TOP2B: variants seen among roughly 807,000 people sequenced by gnomAD.
TOP2B encodes the protein DNA topoisomerase II beta.
In TOP2B, 51 loss-of-function variants were observed where a neutral mutation model predicts 193.5. The ratio of observed to expected loss-of-function variants is 0.26; its 90% CI spans 0.21 to 0.33. The LOEUF (loss-of-function observed/expected upper bound fraction) is 0.33, where lower values mean the gene tolerates loss of function less well. TOP2B is among the 10% of genes least tolerant of loss of function. The pLI is 1.00. For synonymous variants in TOP2B, 634 were observed against 635.7 expected, an observed-to-expected ratio of 1.00 and a Z score of 0.04; for missense variants, 1,378 against 1,909.3, an observed-to-expected ratio of 0.72 and a Z score of 5.19.
At chr3:25,617,911 G>T (rs191949262) in intron 25 of TOP2B, among the ~76,000 whole-genome samples, 21 of 152,116 alleles carry the variant, frequency 1.4e-4, no homozygotes, top group African/African-American at 5.1e-4. Flanking sequence ...TAAATCTCTG[G>T]CTAAAAATCT....
rs142840500 is a variant in TOP2B at position 25,637,514 on chromosome 3, A to T, written c.542-202T>A. ...AAGATTTAGTATATATAGTAGTGTA[A>T]TTAAAATGGGTATTTTGTACATTTA... On this transcript the variant is annotated intron_variant, in intron 5 of 35. Coordinates refer to ENST00000264331, the MANE Select transcript of TOP2B (RefSeq NM_001330700.2). Among the ~76,000 whole-genome samples, 475 of 152,156 alleles carry T rather than the reference A, an allele frequency of 3.1e-3. 1 individual carries two copies. The highest frequency in any genetic ancestry group is 6.7e-3 in the Admixed American group (102 of 15,284).
chr3:25,617,273 G>T (rs946346238), intron 25 of TOP2B, among the ~76,000 whole-genome samples: 1 of 151,892 alleles, frequency 6.6e-6, no homozygotes, highest in African/African-American at 2.4e-5. Context: ...AAGGCAAAAG[G>T]CAAGTGTTGT....
intron 30 of TOP2B, among the ~76,000 whole-genome samples, chr3:25,608,162 C>T (rs1036498477): frequency 6.6e-5 from 10 of 152,070 alleles, no homozygotes; most frequent in Middle Eastern, 3.2e-3. Context: ...ATAACAAAGA[C>T]AGTAATTTTT....
At position 25,637,305 on chromosome 3, in the gene TOP2B, A is replaced by G. The variant is rs1465769671; in HGVS notation, c.549T>C (p.Arg183=). Residue 183 remains arginine (R), a synonymous_variant, in exon 6 of 36, where the codon CGT becomes CGC. Coordinates refer to ENST00000264331, the MANE Select transcript of TOP2B (RefSeq NM_001330700.2). ...TACAAAGTTTTGCACCATAACCATT[A>G]CGACCACCTGTAAGAAAAATTAAAT... ...DDDEKKVTGG[R]NGYGAKLCNI... 7.7e-6 allele frequency: 12 copies of G among 1,551,660 alleles called. No homozygotes were observed. Among genetic ancestry groups the G allele is most frequent in the Non-Finnish European group, 1.0e-5 (12 of 1,146,910 alleles).
intron 18 of TOP2B, among the ~76,000 whole-genome samples, chr3:25,625,953 T>G (rs1304867191): frequency 2.0e-5 from 3 of 152,106 alleles, no homozygotes; most frequent in Non-Finnish European, 4.4e-5. Flanking sequence ...GAAGGCTTCA[T>G]AGAAGAAAGG....
At chr3:25,656,994 C>G (rs1703763921) in intron 1 of TOP2B, among the ~76,000 whole-genome samples, 1 of 152,152 alleles carries the variant, frequency 6.6e-6, no homozygotes, top group Non-Finnish European at 1.5e-5. Flanking sequence ...TATGCAAAAA[C>G]AAAATCAAAA....
chr3:25,607,035 T>C lies in TOP2B; in HGVS notation c.4298+136A>G, dbSNP rs138576236. The stretch of plus-strand genomic sequence containing the variant: ...GCAACTGTGATGGGAACAGCTGCAA[T>C]ATTAACAAGATTGATTCCTTCATGA... On this transcript the variant is annotated intron_variant, in intron 31 of 35. Coordinates refer to ENST00000264331, the MANE Select transcript of TOP2B (RefSeq NM_001330700.2). 2.3e-4 allele frequency: 294 copies of C among 1,293,506 alleles called. 1 individual carries two copies. The African/African-American group carries it at 4.2e-3, about 18-fold the overall frequency. 80.1% of individuals were successfully genotyped at this position (1,293,506 alleles called of 1,614,324 possible). A position where few individuals can be genotyped will look rare whatever the true frequency, so the allele number is the denominator to read the frequency against.
chr3:25,614,695 T>C (rs1702460819), intron 27 of TOP2B, among the ~76,000 whole-genome samples: 1 of 152,084 alleles, frequency 6.6e-6, no homozygotes, highest in Non-Finnish European at 1.5e-5. Flanking sequence ...TTCATAATGC[T>C]ACCATTAATT....
intron 23 of TOP2B, 135 bp downstream of exon 23, chr3:25,619,727 C>G (rs1702607184): frequency 3.2e-6 from 2 of 617,460 alleles, no homozygotes; most frequent in Middle Eastern, 4.3e-4. Context: ...TTCAGCAAAT[C>G]TGCAGGATGG....
chr3:25,601,281 AAG>A, intron 33 of TOP2B, 56 bp from the exon 34 acceptor site: 1 of 1,563,724 alleles, frequency 6.4e-7, no homozygotes, highest in Non-Finnish European at 8.7e-7. Flanking sequence ...AACCAAACTG[AAG>A]AGAGTCCTAT....
intron 16 of TOP2B, 146 bp downstream of exon 16, chr3:25,627,041 A>G: frequency 1.4e-6 from 1 of 703,760 alleles, no homozygotes; most frequent in Non-Finnish European, 2.4e-6. Context: ...AAGTTTATAC[A>G]AGCACAGCAT....
chr3:25,637,825 A>C (rs1464091266), intron 5 of TOP2B, among the ~76,000 whole-genome samples: 1 of 152,036 alleles, frequency 6.6e-6, no homozygotes, highest in Non-Finnish European at 1.5e-5. Context: ...CTTCTCAAGG[A>C]AAACAGTTTA....
Position 25,628,972 on chromosome 3 carries a change from AAAATTAG to A in TOP2B, c.1801-27_1801-21del. 1 of 1,584,770 alleles carries A rather than the reference AAAATTAG, an allele frequency of 6.3e-7. No individual in the cohort carries two copies. Among genetic ancestry groups the A allele is most frequent in the South Asian group, 1.2e-5 (1 of 85,672 alleles). ...GCTTGCCTTAAATTAATTAAAAAAC[AAAATTAG>A]TTTTTCTGCTACCCTTTAAGACAAC... On this transcript the variant is annotated intron_variant, in intron 14 of 35. Transcript: ENST00000264331.
intron 33 of TOP2B, among the ~76,000 whole-genome samples, chr3:25,601,679 G>A (rs1194638673): frequency 6.6e-6 from 1 of 152,012 alleles, no homozygotes; most frequent in African/African-American, 2.4e-5. Context: ...CAATGTAAAG[G>A]CAAACAATTT....
At chr3:25,627,656 C>A (rs566996356) in intron 15 of TOP2B, among the ~76,000 whole-genome samples, 6 of 152,008 alleles carry the variant, frequency 3.9e-5, no homozygotes, top group African/African-American at 1.4e-4. Context: ...AACAAACAAC[C>A]CAACTTCTTT....
At chr3:25,608,532 T>G (rs1309163039) in intron 30 of TOP2B, among the ~76,000 whole-genome samples, 1 of 152,172 alleles carries the variant, frequency 6.6e-6, no homozygotes, top group Non-Finnish European at 1.5e-5. Flanking sequence ...GATATATAAT[T>G]AAAAATGTAC....
chr3:25,648,912 A>T (rs1703496188), intron 1 of TOP2B, among the ~76,000 whole-genome samples: 1 of 152,192 alleles, frequency 6.6e-6, no homozygotes, highest in Admixed American at 6.5e-5. Context: ...AAATGGAAAT[A>T]TATTGTCATA....
chr3:25,643,972 T>C (rs1346762059), intron 2 of TOP2B, among the ~76,000 whole-genome samples, 188 bp from the exon 3 acceptor site: 1 of 152,206 alleles, frequency 6.6e-6, no homozygotes, highest in Non-Finnish European at 1.5e-5. Context: ...TGAGAAATTG[T>C]TCATTTTGTA....
intron 13 of TOP2B, 44 bp downstream of exon 13, chr3:25,629,985 G>A (rs909880104): frequency 6.6e-7 from 1 of 1,526,274 alleles, no homozygotes; most frequent in African/African-American, 1.4e-5. Context: ...GGGAGAATCT[G>A]AAGAAGACAT....
Sources: gnomAD v4.1 joint callset for allele counts (sites outside exome capture counted in the v4.1 genomes callset) on GRCh38, gnomAD v4.1.1 for gene constraint, MANE v1.5 for transcripts, NCBI Gene and HGNC (gene_info 2026-07-23, HGNC 2026-07-21) for gene names.